The following STAP1 variants were observed in gnomAD, a reference collection of about 807,000 sequenced individuals.
STAP1 encodes signal-transducing adaptor protein 1.
A neutral mutation model predicts 37.8 loss-of-function variants in STAP1; 30 were observed. The observed-to-expected ratio is 0.79, with a 90% CI of 0.59 to 1.08. The LOEUF (loss-of-function observed/expected upper bound fraction) is 1.08, where lower values mean the gene tolerates loss of function less well. Ranked by LOEUF, STAP1 falls within the 50% of genes least tolerant of loss-of-function variation. The probability of loss-of-function intolerance (pLI) is 0.00; values close to 1 mark genes in which losing one functional copy is unlikely to be tolerated. For synonymous variants in STAP1, 130 were observed against 116.0 expected, an observed-to-expected ratio of 1.12 and a Z score of -0.78; for missense variants, 357 against 349.4, an observed-to-expected ratio of 1.02 and a Z score of -0.17.
At chr4:67,592,088 C>T (rs76279237) in intron 7 of STAP1, among the ~76,000 whole-genome samples, 3,854 of 151,516 alleles carry the variant, frequency 0.025, 157 homozygotes, top group African/African-American at 0.085. Flanking sequence ...CCTCCCCAAC[C>T]ATACTCCTCA....
chr4:67,561,619 TG>T (rs1464234554), intron 1 of STAP1, among the ~76,000 whole-genome samples: 1 of 152,108 alleles, frequency 6.6e-6, no homozygotes, highest in Non-Finnish European at 1.5e-5. Context: ...AAAGATAATG[TG>T]GGAAGATTTA....
At chr4:67,590,745 A>ATTTTT (rs66493617) in intron 6 of STAP1, 139 bp from the exon 7 acceptor site, 5,105 of 209,046 alleles carry the variant, frequency 0.024, 195 homozygotes, top group Non-Finnish European at 0.029. Context: ...ACCACGAAGG[A>ATTTTT]TTTTTTTTTT....
chr4:67,593,727 C>T (rs17088497), intron 8 of STAP1, among the ~76,000 whole-genome samples: 19,489 of 152,028 alleles, frequency 0.13, 2,369 homozygotes, highest in African/African-American at 0.32. Context: ...ACGTTAGATG[C>T]GTAATACAGG....
intron 8 of STAP1, among the ~76,000 whole-genome samples, chr4:67,599,097 G>A (rs1074277): frequency 0.13 from 19,676 of 152,100 alleles, 2,407 homozygotes; most frequent in African/African-American, 0.32. Context: ...AATCTAATAT[G>A]TTGTTGAATT....
At chr4:67,559,321 T>C (rs1264185731) in intron 1 of STAP1, among the ~76,000 whole-genome samples, 2 of 152,178 alleles carry the variant, frequency 1.3e-5, no homozygotes, top group East Asian at 3.8e-4. Context: ...AATGATATCA[T>C]GATTAAAATT....
At chr4:67,582,386 G>A (rs1415437966) in intron 5 of STAP1, among the ~76,000 whole-genome samples, 1 of 151,026 alleles carries the variant, frequency 6.6e-6, no homozygotes, top group Non-Finnish European at 1.5e-5. Flanking sequence ...TCAGCTCACT[G>A]CAATCTCCAC....
chr4:67,581,774 A>AT (rs556151910), intron 5 of STAP1, among the ~76,000 whole-genome samples: 1 of 152,180 alleles, frequency 6.6e-6, no homozygotes, highest in Non-Finnish European at 1.5e-5. Context: ...AGGAAAAGAT[A>AT]TTTTTTCACT....
chr4:67,592,254 G>A (rs1390193132), intron 7 of STAP1, among the ~76,000 whole-genome samples: 1 of 151,984 alleles, frequency 6.6e-6, no homozygotes, highest in African/African-American at 2.4e-5. Context: ...TCAGCCTCCC[G>A]AGTAGCGGGA....
intron 4 of STAP1, among the ~76,000 whole-genome samples, chr4:67,577,945 G>A (rs1405288102): frequency 2.0e-5 from 3 of 151,978 alleles, no homozygotes; most frequent in East Asian, 1.9e-4. Context: ...CACTGTGCCC[G>A]GCCTCTGATT....
At position 67,558,796 on chromosome 4, in the gene STAP1, C is replaced by T. The variant is rs1449898687; in HGVS notation, c.-14C>T. On this transcript the variant is annotated 5_prime_UTR_variant, in exon 1 of 9. Transcript: ENST00000265404. ...TTGAGACGAGAAACCAAACCACACA[C>T]CAAAGAGAGGGGTATGATGGCTAAG... is the stretch of plus-strand genomic sequence containing the variant. 1.6e-5 allele frequency: 25 copies of T among 1,606,084 alleles called. No individual in the cohort carries two copies. Among genetic ancestry groups the T allele is most frequent in the Non-Finnish European group, 2.0e-5 (24 of 1,177,332 alleles).
chr4:67,566,492 C>T (rs1484760943), intron 1 of STAP1, among the ~76,000 whole-genome samples: 1 of 152,194 alleles, frequency 6.6e-6, no homozygotes, highest in African/African-American at 2.4e-5. Context: ...AGCTGAACCT[C>T]TTGGAGGCCC....
At chr4:67,573,724 A>C (rs1258243787) in intron 2 of STAP1, among the ~76,000 whole-genome samples, 2 of 152,174 alleles carry the variant, frequency 1.3e-5, no homozygotes, top group Non-Finnish European at 2.9e-5. Context: ...ACTTTCTCTC[A>C]AACTCATCAA....
At chr4:67,589,788 A>G (rs1436139576) in intron 6 of STAP1, among the ~76,000 whole-genome samples, 1 of 151,284 alleles carries the variant, frequency 6.6e-6, no homozygotes, top group Non-Finnish European at 1.5e-5. Context: ...AGCAGATAAC[A>G]TTATGAGGTG....
intron 3 of STAP1, among the ~76,000 whole-genome samples, chr4:67,576,670 T>C (rs1455018627): frequency 6.6e-6 from 1 of 152,178 alleles, no homozygotes; most frequent in African/African-American, 2.4e-5. Context: ...ATTTTTTGTA[T>C]TTTTTGTAGA....
At chr4:67,570,340 G>A (rs529230775) in intron 1 of STAP1, among the ~76,000 whole-genome samples, 1 of 152,274 alleles carries the variant, frequency 6.6e-6, no homozygotes, top group Admixed American at 6.5e-5. Context: ...ACAAACACCT[G>A]AGTCATGCAT....
chr4:67,593,017 G>A lies in STAP1; in HGVS notation c.730-243G>A, dbSNP rs191147548. ...TATGCTTTAATTGAGGGAGAGCAAG[G>A]TACCTAACTATTGTCTACCAGATTG... On this transcript the variant is annotated intron_variant, in intron 7 of 8. Coordinates refer to ENST00000265404, the MANE Select transcript of STAP1 (RefSeq NM_012108.4). 2.6e-5 allele frequency among the ~76,000 whole-genome samples: 4 copies of A among 152,256 alleles called. No homozygotes were observed. The East Asian group carries it at 7.7e-4, about 29-fold the overall frequency.
intron 8 of STAP1, among the ~76,000 whole-genome samples, chr4:67,597,226 G>A (rs1402603670): frequency 6.6e-6 from 1 of 152,196 alleles, no homozygotes; most frequent in Non-Finnish European, 1.5e-5. Context: ...GCTTCAGAAG[G>A]TAGAAGCCCC....
chr4:67,603,505 CT>C (rs1728388189), intron 8 of STAP1, among the ~76,000 whole-genome samples: 1 of 152,144 alleles, frequency 6.6e-6, no homozygotes. Flanking sequence ...GCCAGCACAG[CT>C]CTGGGTCTCA....
At chr4:67,592,821 C>T (rs1728148210) in intron 7 of STAP1, among the ~76,000 whole-genome samples, 1 of 152,128 alleles carries the variant, frequency 6.6e-6, no homozygotes, top group Admixed American at 6.5e-5. Context: ...GCAGCTGGCA[C>T]TACAGGTGTA....
Sources: gnomAD v4.1 joint callset for allele counts (sites outside exome capture counted in the v4.1 genomes callset) on GRCh38, gnomAD v4.1.1 for gene constraint, MANE v1.5 for transcripts, NCBI Gene and HGNC (gene_info 2026-07-23, HGNC 2026-07-21) for gene names.